Variants in MROH9 observed in about 807,000 individuals in gnomAD.
MROH9 encodes maestro heat-like repeat-containing protein family member 9.
Under a neutral mutation model 98.2 loss-of-function variants are expected in MROH9, and 92 were observed. That is an observed-to-expected ratio of 0.94 (90% CI 0.79 to 1.11). MROH9 has a LOEUF of 1.11. Among genes scored for constraint, MROH9 ranks in the 50% most tolerant of loss-of-function variants. The pLI, the probability that MROH9 is intolerant of heterozygous loss-of-function variation, is 0.00. For missense variants in MROH9, 1,057 were observed against 1,014.8 expected, an observed-to-expected ratio of 1.04 and a Z score of -0.57; for synonymous variants, 397 against 368.9, an observed-to-expected ratio of 1.08 and a Z score of -0.87.
At chr1:170,971,479 C>G (rs1250199748) in intron 7 of MROH9, among the ~76,000 whole-genome samples, 1 of 152,162 alleles carries the variant, frequency 6.6e-6, no homozygotes, top group Non-Finnish European at 1.5e-5. Context: ...ACCATTATGT[C>G]CAAGTACTTT....
chr1:171,034,178 TAAGTG>T (rs920048385), intron 20 of MROH9, among the ~76,000 whole-genome samples: 3 of 152,180 alleles, frequency 2.0e-5, no homozygotes, highest in African/African-American at 7.2e-5. Context: ...TACAAATTCC[TAAGTG>T]AAGAGAAAAT....
chr1:170,939,156 T>C lies in MROH9; in HGVS notation c.-38+3569T>C, dbSNP rs147856598. On this transcript the variant is annotated intron_variant, in intron 1 of 21. Coordinates refer to ENST00000367759, the MANE Select transcript of MROH9 (RefSeq NM_001163629.2). Reference sequence around the variant, plus strand: ...CTTTTTGCTAATTCTGAGATGTCTATCCACTTATCTCTTCCTCAAATTTCT... The same window carrying C: ...CTTTTTGCTAATTCTGAGATGTCTACCCACTTATCTCTTCCTCAAATTTCT... Among the ~76,000 whole-genome samples, 257 of 152,386 alleles carry C rather than the reference T, an allele frequency of 1.7e-3. 2 individuals are homozygous for C. The highest frequency in any genetic ancestry group is 6.0e-3 in the African/African-American group (251 of 41,594).
At chr1:170,940,721 C>T (rs1188463163) in intron 1 of MROH9, among the ~76,000 whole-genome samples, 2 of 152,130 alleles carry the variant, frequency 1.3e-5, no homozygotes, top group Non-Finnish European at 2.9e-5. Context: ...CTTCACAGTC[C>T]AAATAGATAA....
At chr1:170,948,132 T>C (rs185358503) in intron 3 of MROH9, among the ~76,000 whole-genome samples, 3 of 152,156 alleles carry the variant, frequency 2.0e-5, no homozygotes, top group Non-Finnish European at 2.9e-5. Context: ...ATTGTCTTAG[T>C]GGATATTCAT....
intron 11 of MROH9, among the ~76,000 whole-genome samples, chr1:170,990,449 G>A (rs1233963834): frequency 6.6e-6 from 1 of 152,082 alleles, no homozygotes; most frequent in African/African-American, 2.4e-5. Flanking sequence ...ATTAAAATTG[G>A]GAGTCCTGTG....
At chr1:170,992,465 A>G in intron 12 of MROH9, 136 bp downstream of exon 12, 1 of 883,816 alleles carries the variant, frequency 1.1e-6, no homozygotes, top group Non-Finnish European at 1.7e-6. Context: ...ACACATATTT[A>G]TTGAGTGTCT....
intron 20 of MROH9, among the ~76,000 whole-genome samples, chr1:171,035,234 GA>G (rs547523236): frequency 1.3e-4 from 20 of 150,592 alleles, no homozygotes; most frequent in Non-Finnish European, 2.4e-4. Flanking sequence ...TAATAACTTA[GA>G]AAAAGACAAA....
At chr1:170,948,501 T>C (rs1361200250) in intron 3 of MROH9, among the ~76,000 whole-genome samples, 1 of 152,036 alleles carries the variant, frequency 6.6e-6, no homozygotes, top group Non-Finnish European at 1.5e-5. Flanking sequence ...AAAGATGCAG[T>C]TTAGAATTAC....
Position 171,017,327 on chromosome 1 carries a change from A to G in MROH9, c.1908+991A>G, listed in dbSNP as rs1162049704. On this transcript the variant is annotated intron_variant, in intron 17 of 21. Coordinates refer to ENST00000367759, the MANE Select transcript of MROH9 (RefSeq NM_001163629.2). ...GCAGAGCAGTGTGGTGTGGAGGCCT[A>G]CCTGACAGCCACACGGGCCAGGGGA... Among the ~76,000 whole-genome samples, 3 of 152,310 alleles carry G rather than the reference A, an allele frequency of 2.0e-5. No homozygotes were observed. The South Asian group carries it at 6.2e-4, about 32-fold the overall frequency.
intron 3 of MROH9, among the ~76,000 whole-genome samples, chr1:170,953,780 GA>G (rs1649650531): frequency 6.7e-6 from 1 of 149,632 alleles, no homozygotes; most frequent in Non-Finnish European, 1.5e-5. Context: ...AGGATGGAGA[GA>G]GGGAGGGGAG....
intron 8 of MROH9, among the ~76,000 whole-genome samples, chr1:170,982,966 C>T (rs899454406): frequency 2.0e-5 from 3 of 152,100 alleles, no homozygotes; most frequent in Non-Finnish European, 4.4e-5. Context: ...TATTTAAAAA[C>T]AAACAAAATC....
chr1:170,973,974 A>G (rs1429123116), intron 8 of MROH9, among the ~76,000 whole-genome samples: 1 of 152,096 alleles, frequency 6.6e-6, no homozygotes, highest in African/African-American at 2.4e-5. Flanking sequence ...AGACAGAAAA[A>G]CTCCTAAAAG....
intron 17 of MROH9, among the ~76,000 whole-genome samples, chr1:171,016,634 T>C (rs1447396802): frequency 6.6e-6 from 1 of 152,174 alleles, no homozygotes; most frequent in East Asian, 1.9e-4. Flanking sequence ...CAAATCCCTC[T>C]TCCACCTCTT....
intron 5 of MROH9, 137 bp from the exon 6 acceptor site, chr1:170,961,753 G>A (rs1179269159): frequency 4.7e-6 from 2 of 422,724 alleles, no homozygotes; most frequent in African/African-American, 4.1e-5. Context: ...TTGATGTTAA[G>A]TATTTTCTGT....
intron 15 of MROH9, among the ~76,000 whole-genome samples, chr1:171,013,876 C>CACACACACACACTAAAATACAT (rs1652240842): frequency 4.7e-4 from 1 of 2,138 alleles, no homozygotes; most frequent in South Asian, 0.042. Context: ...AAAATACATA[C>CACACACACACACTAAAATACAT]ACACACACAC....
At chr1:170,951,741 T>C (rs949221159) in intron 3 of MROH9, among the ~76,000 whole-genome samples, 6 of 152,088 alleles carry the variant, frequency 3.9e-5, no homozygotes, top group African/African-American at 1.4e-4. Flanking sequence ...ACTATATTAA[T>C]AGCACAGTCC....
chr1:170,976,638 T>A (rs1650704017), intron 8 of MROH9, among the ~76,000 whole-genome samples: 1 of 152,142 alleles, frequency 6.6e-6, no homozygotes, highest in Non-Finnish European at 1.5e-5. Flanking sequence ...TCCCAGCTAC[T>A]CAGGAGGCTG....
intron 15 of MROH9, among the ~76,000 whole-genome samples, chr1:171,003,653 G>A (rs1651856423): frequency 6.6e-6 from 1 of 152,152 alleles, no homozygotes; most frequent in Admixed American, 6.5e-5. Flanking sequence ...GTGGTGGAGG[G>A]TGCAATGGAC....
intron 7 of MROH9, among the ~76,000 whole-genome samples, chr1:170,969,660 A>G (rs1464244148): frequency 6.6e-6 from 1 of 152,164 alleles, no homozygotes; most frequent in Non-Finnish European, 1.5e-5. Context: ...AGCACTTAAC[A>G]CTATCATTAC....
Sources: allele counts gnomAD v4.1 joint callset (sites outside exome capture counted in the v4.1 genomes callset), GRCh38; gene constraint gnomAD v4.1.1; transcripts MANE v1.5; gene names NCBI Gene and HGNC (gene_info 2026-07-23, HGNC 2026-07-21).